The following DTX4 variants were observed in gnomAD, a reference collection of about 807,000 sequenced individuals.
DTX4 encodes the protein deltex E3 ubiquitin ligase 4, also known as E3 ubiquitin-protein ligase DTX4.
Under a neutral mutation model 57.6 loss-of-function variants are expected in DTX4, and 28 were observed. The ratio of observed to expected loss-of-function variants is 0.49; its 90% CI spans 0.36 to 0.67. The LOEUF is 0.67. Among genes scored for constraint, DTX4 ranks in the 30% least tolerant of loss-of-function variants. The pLI is 0.00. For missense variants in DTX4, 715 were observed against 836.8 expected, an observed-to-expected ratio of 0.85 and a Z score of 1.80; for synonymous variants, 316 against 331.0, an observed-to-expected ratio of 0.95 and a Z score of 0.49.
intron 1 of DTX4, among the ~76,000 whole-genome samples, chr11:59,175,969 G>T (rs7934971): frequency 0.42 from 63,907 of 150,984 alleles, 15,092 homozygotes; most frequent in African/African-American, 0.63. Flanking sequence ...CTCCCATCAT[G>T]CAGATCAACA....
chr11:59,172,622 C>A lies in DTX4; in HGVS notation c.27C>A (p.Val9=). The change falls in exon 1 of 9, where the codon GTC becomes GTA. Residue 9 remains valine, a synonymous_variant. Transcript: ENST00000227451. The part of the protein sequence containing the change: MLLASAVV[V]WEWLNEHGRW... The stretch of plus-strand genomic sequence containing the variant: ...TGCTCCTGGCCTCGGCCGTGGTGGT[C>A]TGGGAATGGCTGAACGAGCACGGCC... 1 of 1,575,266 alleles carries A rather than the reference C, an allele frequency of 6.3e-7. No homozygotes were observed. Among genetic ancestry groups the A allele is most frequent in the Admixed American group, 1.8e-5 (1 of 57,000 alleles).
chr11:59,171,989 G>A (rs949299106), upstream of DTX4, among the ~76,000 whole-genome samples: 7 of 151,794 alleles, frequency 4.6e-5, no homozygotes, highest in Non-Finnish European at 1.0e-4. Flanking sequence ...TTGCCTTAGC[G>A]CCCTGCTTGG....
chr11:59,206,215 G>C lies in DTX4; in HGVS notation c.*1306G>C, dbSNP rs1824503223. 2 of 152,340 alleles carry C rather than the reference G, an allele frequency of 1.3e-5. No individual in the cohort carries two copies. The highest frequency in any genetic ancestry group is 4.1e-4 in the South Asian group (2 of 4,832). The allele number at this position is 152,340 out of a possible 1,614,324, so 9.4% of individuals were successfully genotyped here. A position where few individuals can be genotyped will look rare whatever the true frequency, so the allele number is the denominator to read the frequency against. On this transcript the variant is annotated 3_prime_UTR_variant, in exon 9 of 9. Coordinates refer to ENST00000227451, the MANE Select transcript of DTX4 (RefSeq NM_015177.2). The stretch of plus-strand genomic sequence containing the variant: ...TCATCTCCCTCATCTATTATAGATT[G>C]ACTTACAGCAGGGAGAGAATCTCTT...
chr11:59,199,107 A>C (rs1416069814), intron 7 of DTX4, among the ~76,000 whole-genome samples: 1 of 152,232 alleles, frequency 6.6e-6, no homozygotes, highest in Non-Finnish European at 1.5e-5. Flanking sequence ...CATGAGGACA[A>C]AGGAGAAAAT....
chr11:59,204,370 T>C (rs1448328903), intron 8 of DTX4, among the ~76,000 whole-genome samples: 1 of 152,224 alleles, frequency 6.6e-6, no homozygotes, highest in Non-Finnish European at 1.5e-5. Context: ...ATACTTTTCA[T>C]GGAGTGTCCA....
In DTX4 at chr11:59,199,853, TG is replaced by T. The variant is rs1862720387; in HGVS notation, c.1626+81del. 31 of 1,229,626 alleles carry T rather than the reference TG, an allele frequency of 2.5e-5. No individual in the cohort carries two copies. In the East Asian group the frequency reaches 7.9e-4, roughly 31 times the overall value. The allele number at this position is 1,229,626 out of a possible 1,614,324, so 76.2% of individuals were successfully genotyped here. ...ACTTCTATGTCAAGGCCTAAAGTTTTGCTTCTTACAATGCACAGACCAAAGA... is the reference window on the plus strand; with the variant it reads ...ACTTCTATGTCAAGGCCTAAAGTTTTCTTCTTACAATGCACAGACCAAAGA... On this transcript the variant is annotated intron_variant, in intron 8 of 8. Coordinates refer to ENST00000227451, the MANE Select transcript of DTX4 (RefSeq NM_015177.2).
rs1862332141 is a variant in DTX4, at chr11:59,172,157, A to G, written c.-439A>G. Among the ~76,000 whole-genome samples, 1 of 151,906 alleles carries G rather than the reference A, an allele frequency of 6.6e-6. No homozygotes were observed. Among genetic ancestry groups the G allele is most frequent in the African/African-American group, 2.4e-5 (1 of 41,364 alleles). On this transcript the variant is annotated 5_prime_UTR_variant, in exon 1 of 9. Coordinates refer to ENST00000227451, the MANE Select transcript of DTX4 (RefSeq NM_015177.2). ...ATTCCGAGCGCGGCCGTGCGGCGAG[A>G]TCCCACCCCGGCGTCTGCAGAGGCC...
intron 2 of DTX4, chr11:59,185,170 GTCACCCC>G (rs936904111): frequency 6.6e-6 from 1 of 152,208 alleles, no homozygotes; most frequent in African/African-American, 2.4e-5. Context: ...GGAGGCAAGC[GTCACCCC>G]TCTAGCCCCC....
intron 6 of DTX4, among the ~76,000 whole-genome samples, chr11:59,192,750 A>G (rs1423411772): frequency 6.6e-6 from 1 of 152,206 alleles, no homozygotes; most frequent in Non-Finnish European, 1.5e-5. Flanking sequence ...GGCCCTTCAA[A>G]GGTACTAAAG....
chr11:59,191,193 A>G lies in DTX4; in HGVS notation c.1221+18A>G, dbSNP rs770473931. 4 of 1,563,334 alleles carry G rather than the reference A, an allele frequency of 2.6e-6. No individual in the cohort carries two copies. The Admixed American group carries it at 5.7e-5, about 22-fold the overall frequency. Reference sequence around the variant, plus strand: ...CAGATGAGGTGAGTTCAGGGTTAGAAGAGCGGGATTCACCTCTCCATCACC... The same window carrying G: ...CAGATGAGGTGAGTTCAGGGTTAGAGGAGCGGGATTCACCTCTCCATCACC... On this transcript the variant is annotated intron_variant, in intron 5 of 8. Transcript: ENST00000227451.
rs1379369787 is a variant in DTX4 at position 59,205,047 on chromosome 11, A to G, written c.*138A>G. ...CCCTCCTGCCCTGTGTCCATCCCTC[A>G]TCCCTCCCAACCACAGTGGGAGCCA... On this transcript the variant is annotated 3_prime_UTR_variant, in exon 9 of 9. Transcript: ENST00000227451. 1.4e-6 allele frequency: 1 copy of G among 704,662 alleles called. No homozygotes were observed. Among genetic ancestry groups the G allele is most frequent in the African/African-American group, 1.8e-5 (1 of 56,120 alleles). 43.7% of individuals were successfully genotyped at this position (704,662 alleles called of 1,614,324 possible). A position where few individuals can be genotyped will look rare whatever the true frequency, so the allele number is the denominator to read the frequency against.
rs368024786 is a variant in DTX4, at chr11:59,195,279, G to A, written c.1446G>A (p.Lys482=). ...GVKTGTQPPG[K]MEYHLIPHSL... ...AGACAGGCACCCAACCTCCAGGGAA[G>A]ATGGAGTACCACCTCATCCCCCACT... The change falls in exon 7 of 9, where the codon AAG becomes AAA. Residue 482 remains lysine (K), a synonymous_variant. Coordinates refer to ENST00000227451, the MANE Select transcript of DTX4 (RefSeq NM_015177.2). The A allele has an allele frequency of 4.3e-6, 7 of 1,613,814 alleles. No homozygotes were observed. The African/African-American group carries it at 9.3e-5, about 22-fold the overall frequency.
chr11:59,184,685 C>T (rs1225426242), intron 2 of DTX4, among the ~76,000 whole-genome samples: 3 of 152,226 alleles, frequency 2.0e-5, no homozygotes, highest in Non-Finnish European at 4.4e-5. Flanking sequence ...TCTTTATTTC[C>T]TCTGCCCGCT....
chr11:59,171,470 A>C (rs1590975400), upstream of DTX4: 1 of 152,226 alleles, frequency 6.6e-6, no homozygotes, highest in East Asian at 1.9e-4. Flanking sequence ...TGGCCAGAAA[A>C]ACCACATTTG....
At chr11:59,191,416 C>T (rs1238698600) in intron 5 of DTX4, among the ~76,000 whole-genome samples, 2 of 152,202 alleles carry the variant, frequency 1.3e-5, no homozygotes, top group Non-Finnish European at 2.9e-5. Flanking sequence ...CTTAACATGA[C>T]AGTCTCAATT....
intron 1 of DTX4, 112 bp downstream of exon 1, chr11:59,172,918 C>A: frequency 1.4e-6 from 1 of 740,636 alleles, no homozygotes; most frequent in Non-Finnish European, 2.1e-6. Context: ...TTCTGTGCAG[C>A]AGTGTCACCA....
At chr11:59,179,619 T>G (rs1862437520) in intron 1 of DTX4, among the ~76,000 whole-genome samples, 1 of 152,184 alleles carries the variant, frequency 6.6e-6, no homozygotes, top group Admixed American at 6.5e-5. Context: ...CATCACTCAA[T>G]AAAACTCCCC....
rs1465824706 is a variant in DTX4 at position 59,192,227 on chromosome 11, G to A, written c.1351G>A (p.Ala451Thr). Residue 451 changes from alanine to threonine, a missense_variant, in exon 6 of 9, where the codon GCC becomes ACC. By Grantham distance (58) the Ala-to-Thr change is moderately conservative. Coordinates refer to ENST00000227451, the MANE Select transcript of DTX4 (RefSeq NM_015177.2). ...CGTCTACCACATCTACTGCTTGGTT[G>A]CCATGTACAACAATGGGAACAAGGT... ...GHVYHIYCLV[A>T]MYNNGNKDGS... 2.5e-6 allele frequency: 4 copies of A among 1,613,880 alleles called. No individual in the cohort carries two copies. The highest frequency in any genetic ancestry group is 3.4e-6 in the Non-Finnish European group (4 of 1,179,906).
At chr11:59,176,391 A>G (rs1328003765) in intron 1 of DTX4, among the ~76,000 whole-genome samples, 2 of 152,372 alleles carry the variant, frequency 1.3e-5, no homozygotes, top group Non-Finnish European at 2.9e-5. Flanking sequence ...AAGTTGCTCA[A>G]GGGTTTACAG....
Sources: allele counts gnomAD v4.1 joint callset (sites outside exome capture counted in the v4.1 genomes callset), GRCh38; gene constraint gnomAD v4.1.1; transcripts MANE v1.5; gene names NCBI Gene and HGNC (gene_info 2026-07-23, HGNC 2026-07-21).